NEDD4L: variants seen among roughly 807,000 people sequenced by gnomAD.
NEDD4L encodes NEDD4 like E3 ubiquitin protein ligase.
A neutral mutation model predicts 148.9 loss-of-function variants in NEDD4L; 54 were observed. The ratio of observed to expected loss-of-function variants is 0.36; its 90% CI spans 0.29 to 0.45. The LOEUF (loss-of-function observed/expected upper bound fraction) is 0.45. NEDD4L is among the 20% of genes least tolerant of loss of function. The pLI is 1.00. For synonymous variants in NEDD4L, 433 were observed against 440.7 expected, an observed-to-expected ratio of 0.98 and a Z score of 0.22; for missense variants, 856 against 1,233.8, an observed-to-expected ratio of 0.69 and a Z score of 4.59.
chr18:58,335,392 A>G (rs2041602973), intron 12 of NEDD4L, 86 bp from the exon 13 acceptor site: 1 of 1,093,736 alleles, frequency 9.1e-7, no homozygotes, highest in Non-Finnish European at 1.4e-6. Context: ...CCTGCCTTAC[A>G]GCGCTGCCAC....
At chr18:58,089,208 A>G (rs191838165) in intron 1 of NEDD4L, among the ~76,000 whole-genome samples, 76 of 135,982 alleles carry the variant, frequency 5.6e-4, no homozygotes, top group Admixed American at 5.5e-3. Flanking sequence ...ATCTCAGTTC[A>G]GTGCAACCTT....
At chr18:58,285,330 T>G (rs1042182817) in intron 5 of NEDD4L, among the ~76,000 whole-genome samples, 3 of 151,792 alleles carry the variant, frequency 2.0e-5, no homozygotes, top group African/African-American at 4.9e-5. Flanking sequence ...TGTGTGGGTG[T>G]GTGTGTGTGT....
intron 1 of NEDD4L, among the ~76,000 whole-genome samples, chr18:58,092,809 C>T (rs2084154713): frequency 6.9e-6 from 1 of 145,672 alleles, no homozygotes; most frequent in Non-Finnish European, 1.5e-5. Context: ...AAAATTCTCT[C>T]CCTGGTACCA....
chr18:58,352,285 A>G (rs1460829729), intron 18 of NEDD4L, among the ~76,000 whole-genome samples: 1 of 152,142 alleles, frequency 6.6e-6, no homozygotes, highest in Non-Finnish European at 1.5e-5. Flanking sequence ...TCCTTAATAT[A>G]CTATTTATTT....
chr18:58,382,727 A>T (rs2048513881), intron 24 of NEDD4L, among the ~76,000 whole-genome samples: 1 of 152,186 alleles, frequency 6.6e-6, no homozygotes, highest in Non-Finnish European at 1.5e-5. Context: ...CGTCCAATGC[A>T]AATAAATGCC....
At chr18:58,261,813 T>C (rs968840349) in intron 5 of NEDD4L, among the ~76,000 whole-genome samples, 1 of 152,248 alleles carries the variant, frequency 6.6e-6, no homozygotes, top group Non-Finnish European at 1.5e-5. Context: ...TGCATATTAC[T>C]GTGGGCGATA....
At chr18:58,234,122 C>CTTTCTTTTCCT (rs200704630) in intron 2 of NEDD4L, among the ~76,000 whole-genome samples, 2 of 114,226 alleles carry the variant, frequency 1.8e-5, no homozygotes, top group African/African-American at 6.7e-5. Flanking sequence ...TTTTCTTTTC[C>CTTTCTTTTCCT]TTCTTTTTTT....
At chr18:58,112,991 T>C (rs914621869) in intron 1 of NEDD4L, among the ~76,000 whole-genome samples, 3 of 152,148 alleles carry the variant, frequency 2.0e-5, no homozygotes, top group East Asian at 1.9e-4. Context: ...CCTTCTACCA[T>C]GTGAGGATAC....
rs573367713 is a variant in NEDD4L at position 58,181,104 on chromosome 18, G to C, written c.122+15243G>C. Among the ~76,000 whole-genome samples the C allele has an allele frequency of 2.0e-5, 3 of 152,344 alleles. No homozygotes were observed. The East Asian group carries it at 5.8e-4, about 29-fold the overall frequency. On this transcript the variant is annotated intron_variant, in intron 2 of 30. Transcript: ENST00000400345. The stretch of plus-strand genomic sequence containing the variant: ...CGAATAGTGACACTTATGCAGAGGA[G>C]AGAATGATTTTATTTAAGTAATTTC...
chr18:58,142,125 C>A (rs2033607035), intron 1 of NEDD4L, among the ~76,000 whole-genome samples: 1 of 143,780 alleles, frequency 7.0e-6, no homozygotes, highest in African/African-American at 2.6e-5. Context: ...GGGGTCACTG[C>A]AAGCTCCACC....
At chr18:58,280,144 G>T (rs377460501) in intron 5 of NEDD4L, among the ~76,000 whole-genome samples, 54 of 152,306 alleles carry the variant, frequency 3.5e-4, no homozygotes, top group African/African-American at 1.2e-3. Flanking sequence ...CTGGGCTCAA[G>T]TGATCCTTCT....
At chr18:58,247,900 A>C (rs2047462746) in intron 3 of NEDD4L, among the ~76,000 whole-genome samples, 7 of 152,164 alleles carry the variant, frequency 4.6e-5, no homozygotes, top group Admixed American at 3.9e-4. Context: ...GATTGAATTC[A>C]CTGTGGAGTT....
chr18:58,219,759 G>A (rs2043536234), intron 2 of NEDD4L, among the ~76,000 whole-genome samples: 1 of 152,162 alleles, frequency 6.6e-6, no homozygotes, highest in Non-Finnish European at 1.5e-5. Flanking sequence ...ACCATCTGAA[G>A]TATTAAAGAC....
chr18:58,358,654 C>CT (rs2045056484), intron 19 of NEDD4L, among the ~76,000 whole-genome samples: 1 of 151,982 alleles, frequency 6.6e-6, no homozygotes, highest in Non-Finnish European at 1.5e-5. Context: ...ATAAAAGACC[C>CT]TTGTTTATTC....
chr18:58,052,602 C>T (rs944773727), intron 1 of NEDD4L, among the ~76,000 whole-genome samples: 3 of 151,670 alleles, frequency 2.0e-5, no homozygotes, highest in Non-Finnish European at 4.4e-5. Flanking sequence ...TCTTTTTATA[C>T]CTCCTATTCA....
chr18:58,270,827 A>G (rs942704385), intron 5 of NEDD4L, among the ~76,000 whole-genome samples: 1 of 152,080 alleles, frequency 6.6e-6, no homozygotes, highest in Admixed American at 6.5e-5. Flanking sequence ...GTGTTTAGTC[A>G]AGCTCACTAG....
intron 23 of NEDD4L, chr18:58,372,123 A>T (rs1005978449): frequency 4.6e-5 from 7 of 151,962 alleles, no homozygotes; most frequent in Non-Finnish European, 8.8e-5. Context: ...TTACTTATTT[A>T]TTTTTTTGGC....
chr18:58,127,295 T>C (rs1183070878), intron 1 of NEDD4L, among the ~76,000 whole-genome samples: 2 of 152,250 alleles, frequency 1.3e-5, no homozygotes, highest in Non-Finnish European at 2.9e-5. Context: ...ACGCTGCAGA[T>C]GTGGACGTCC....
rs997684031 is a variant in NEDD4L at position 58,351,279 on chromosome 18, G to GT, written c.1708+243dup. On this transcript the variant is annotated intron_variant, in intron 18 of 30. Transcript: ENST00000400345. ...ATCTGATCTTGTGACCTATTAACGTGTTTTTTTTTGTTGTTGAATTTTTAA... is the reference window on the plus strand; with the variant it reads ...ATCTGATCTTGTGACCTATTAACGTGTTTTTTTTTTGTTGTTGAATTTTTAA... 3,236 of 594,802 alleles carry GT rather than the reference G, an allele frequency of 5.4e-3. 2 individuals are homozygous for GT. Among genetic ancestry groups the GT allele is most frequent in the Admixed American group, 8.0e-3 (126 of 15,716 alleles). The allele number at this position is 594,802 out of a possible 1,614,324, so 36.8% of individuals were successfully genotyped here.
Sources: gnomAD v4.1 joint callset for allele counts (sites outside exome capture counted in the v4.1 genomes callset) on GRCh38, gnomAD v4.1.1 for gene constraint, MANE v1.5 for transcripts, NCBI Gene and HGNC (gene_info 2026-07-23, HGNC 2026-07-21) for gene names.